Variants in MEAF6 observed in about 807,000 individuals in gnomAD.
The protein encoded by MEAF6 is MYST/Esa1 associated factor 6.
MEAF6 carries 15 observed loss-of-function variants against 28.9 expected under a neutral mutation model. The observed-to-expected ratio is 0.52, with a 90% CI of 0.35 to 0.80. MEAF6 has a LOEUF of 0.80. Among genes scored for constraint, MEAF6 ranks in the 30% least tolerant of loss-of-function variants. MEAF6 has a pLI of 0.01. For missense variants in MEAF6, 178 were observed against 237.5 expected, an observed-to-expected ratio of 0.75 and a Z score of 1.65; for synonymous variants, 97 against 88.7, an observed-to-expected ratio of 1.09 and a Z score of -0.53.
chr1:37,501,661 T>C, intron 5 of MEAF6, 143 bp downstream of exon 5: 1 of 762,670 alleles, frequency 1.3e-6, no homozygotes, highest in Non-Finnish European at 2.0e-6. Flanking sequence ...TTGAGCAAAT[T>C]AGCCCGTTCA....
chr1:37,501,890 T>C lies in MEAF6; in HGVS notation c.447A>G (p.Gly149=), dbSNP rs756035005. The C allele has an allele frequency of 1.2e-6, 2 of 1,612,318 alleles. No individual in the cohort carries two copies. Among genetic ancestry groups the C allele is most frequent in the South Asian group, 2.2e-5 (2 of 90,924 alleles). Residue 149 remains glycine, a synonymous_variant, in exon 5 of 7, where the codon GGA becomes GGG. Transcript: ENST00000296214. ...DPEDLDGSVQ[G]VKPQKAASST... ...AAGAAGCAGCCTTCTGAGGTTTCAC[T>C]CCCTGCACAGATCCATCCAGATCCT...
At chr1:37,507,042 G>A (rs34190473) in intron 4 of MEAF6, among the ~76,000 whole-genome samples, 8,103 of 152,188 alleles carry the variant, frequency 0.053, 271 homozygotes, top group South Asian at 0.14. Context: ...AGTCAGGGCC[G>A]GGCCCTGTGG....
Position 37,493,842 on chromosome 1 carries a change from A to G in MEAF6, c.*257T>C. On this transcript the variant is annotated 3_prime_UTR_variant, in exon 7 of 7. Transcript: ENST00000296214. ...AAGAAGGGAGAAACGCACAGTTAGC[A>G]ACTTGCTGGGATTACAACATTGTCT... is the stretch of plus-strand genomic sequence containing the variant. The G allele has an allele frequency of 6.5e-7, 1 of 1,550,122 alleles. No individual in the cohort carries two copies. The highest frequency in any genetic ancestry group is 8.7e-7 in the Non-Finnish European group (1 of 1,147,442).
intron 5 of MEAF6, among the ~76,000 whole-genome samples, chr1:37,500,726 T>C (rs560758310): frequency 1.1e-4 from 16 of 152,158 alleles, no homozygotes; most frequent in Non-Finnish European, 1.8e-4. Flanking sequence ...CCCCAGGCAC[T>C]GTCATATCCA....
intron 4 of MEAF6, among the ~76,000 whole-genome samples, chr1:37,508,876 T>C (rs1012170984): frequency 6.6e-6 from 1 of 152,166 alleles, no homozygotes; most frequent in Non-Finnish European, 1.5e-5. Flanking sequence ...GTGGGAGGAT[T>C]ATTTGATGCC....
At chr1:37,504,450 T>A (rs1642411653) in intron 4 of MEAF6, among the ~76,000 whole-genome samples, 1 of 152,114 alleles carries the variant, frequency 6.6e-6, no homozygotes, top group African/African-American at 2.4e-5. Context: ...ACTTTCACTT[T>A]ACTCAACTGT....
intron 4 of MEAF6, among the ~76,000 whole-genome samples, chr1:37,504,317 T>C (rs1267841315): frequency 6.6e-6 from 1 of 152,218 alleles, no homozygotes; most frequent in Non-Finnish European, 1.5e-5. Context: ...GTCTCAGATA[T>C]TTCTTTATAG....
rs1383162886 is a variant in MEAF6, at chr1:37,492,020, T to TA, written c.*2078dup. On this transcript the variant is annotated 3_prime_UTR_variant, in exon 7 of 7. Transcript: ENST00000296214. ...TCCATCTCTAGCAATCTCAAACTGT[T>TA]AAGAGTCAAAAATATTTTTTTTTTT... is the stretch of plus-strand genomic sequence containing the variant. Among the ~76,000 whole-genome samples the TA allele has an allele frequency of 6.7e-6, 1 of 148,740 alleles. No individual in the cohort carries two copies. Among genetic ancestry groups the TA allele is most frequent in the African/African-American group, 2.4e-5 (1 of 40,900 alleles).
intron 5 of MEAF6, among the ~76,000 whole-genome samples, chr1:37,496,909 C>T (rs1253748348): frequency 6.6e-6 from 1 of 152,170 alleles, no homozygotes; most frequent in Admixed American, 6.5e-5. Context: ...AGAAGATTCC[C>T]TTCCTTCAAT....
At chr1:37,500,935 G>A (rs973481175) in intron 5 of MEAF6, 3 of 154,096 alleles carry the variant, frequency 1.9e-5, no homozygotes, top group African/African-American at 4.8e-5. Context: ...CCCTGGCTTC[G>A]GAACTTCTAG....
chr1:37,496,026 A>G, intron 5 of MEAF6, 108 bp from the exon 6 acceptor site: 2 of 864,712 alleles, frequency 2.3e-6, no homozygotes, highest in Non-Finnish European at 3.9e-6. Flanking sequence ...TTTGGTTAAG[A>G]AAAATCCACA....
At chr1:37,513,621 G>C in intron 1 of MEAF6, 83 bp from the exon 2 acceptor site, 1 of 1,128,980 alleles carries the variant, frequency 8.9e-7, no homozygotes, top group Non-Finnish European at 1.4e-6. Flanking sequence ...CCTGATATTA[G>C]ACTCGTAAAC....
intron 2 of MEAF6, among the ~76,000 whole-genome samples, 194 bp from the exon 3 acceptor site, chr1:37,509,736 T>G (rs532625478): frequency 6.6e-6 from 1 of 152,188 alleles, no homozygotes; most frequent in Admixed American, 6.5e-5. Flanking sequence ...TGAGATTTAG[T>G]TGCTTCACAT....
At chr1:37,514,601 G>A (rs1642779467) in intron 1 of MEAF6, 56 bp downstream of exon 1, 9 of 1,377,428 alleles carry the variant, frequency 6.5e-6, no homozygotes, top group Middle Eastern at 3.7e-4. Flanking sequence ...CTTGGGGCCT[G>A]GAGGCGGGGC....
chr1:37,502,407 G>A (rs984633626), intron 4 of MEAF6, among the ~76,000 whole-genome samples: 2 of 151,738 alleles, frequency 1.3e-5, no homozygotes, highest in Admixed American at 6.6e-5. Context: ...GTTTACACAA[G>A]TTGTTATTGA....
chr1:37,512,499 T>G (rs1487920791), intron 2 of MEAF6, among the ~76,000 whole-genome samples: 1 of 99,466 alleles, frequency 1.0e-5, no homozygotes, highest in Non-Finnish European at 2.6e-5. Context: ...TCTTCCCATT[T>G]TCCTATAATT....
rs1401113424 is a variant in MEAF6 at position 37,491,765 on chromosome 1, G to A, written c.*2334C>T. On this transcript the variant is annotated 3_prime_UTR_variant, in exon 7 of 7. Coordinates refer to ENST00000296214, the MANE Select transcript of MEAF6 (RefSeq NM_001270875.3). ...TACTTAAATAATCTTTTTAAGAGCA[G>A]TACTATTCTGTCTCCAGCAATGTCA... is the stretch of plus-strand genomic sequence containing the variant. 6.6e-6 allele frequency among the ~76,000 whole-genome samples: 1 copy of A among 151,314 alleles called. No individual in the cohort carries two copies. The highest frequency in any genetic ancestry group is 2.1e-4 in the South Asian group (1 of 4,818).
intron 6 of MEAF6, 134 bp downstream of exon 6, chr1:37,495,751 C>A (rs1642112750): frequency 6.0e-6 from 4 of 664,040 alleles, no homozygotes; most frequent in African/African-American, 1.9e-5. Flanking sequence ...GAAGTATATC[C>A]AGATGGACAC....
At chr1:37,500,306 A>AT (rs921906122) in intron 5 of MEAF6, among the ~76,000 whole-genome samples, 24 of 152,086 alleles carry the variant, frequency 1.6e-4, no homozygotes, top group Non-Finnish European at 2.9e-4. Flanking sequence ...AAAATAAAAA[A>AT]TTAAAAAAAA....
Sources: gnomAD v4.1 joint callset for allele counts (sites outside exome capture counted in the v4.1 genomes callset) on GRCh38, gnomAD v4.1.1 for gene constraint, MANE v1.5 for transcripts, NCBI Gene and HGNC (gene_info 2026-07-23, HGNC 2026-07-21) for gene names.